KCNQ5: variants seen among roughly 807,000 people sequenced by gnomAD.
The protein encoded by KCNQ5 is potassium voltage-gated channel subfamily KQT member 5.
KCNQ5 carries 30 observed loss-of-function variants against 98.2 expected under a neutral mutation model. The ratio of observed to expected loss-of-function variants is 0.31; its 90% confidence interval spans 0.23 to 0.41. KCNQ5 has a LOEUF of 0.41. Among genes scored for constraint, KCNQ5 ranks in the 10% least tolerant of loss-of-function variants. The probability of loss-of-function intolerance (pLI) is 1.00; values close to 1 mark genes in which losing one functional copy is unlikely to be tolerated. For missense variants in KCNQ5, 835 were observed against 1,182.5 expected, an observed-to-expected ratio of 0.71 and a Z score of 4.31; for synonymous variants, 458 against 449.4, an observed-to-expected ratio of 1.02 and a Z score of -0.24.
intron 1 of KCNQ5, among the ~76,000 whole-genome samples, chr6:72,942,512 A>C (rs1766357005): frequency 6.6e-6 from 1 of 152,248 alleles, no homozygotes; most frequent in Non-Finnish European, 1.5e-5. Flanking sequence ...AGAGACTGAC[A>C]GATAAAAGAA....
At chr6:73,187,784 A>C (rs1193437600) in intron 11 of KCNQ5, among the ~76,000 whole-genome samples, 1 of 152,270 alleles carries the variant, frequency 6.6e-6, no homozygotes, top group Non-Finnish European at 1.5e-5. Flanking sequence ...TAAGGTTTGC[A>C]TAAACTATGA....
intron 1 of KCNQ5, among the ~76,000 whole-genome samples, chr6:72,941,832 C>T (rs1195153848): frequency 6.6e-6 from 1 of 151,848 alleles, no homozygotes; most frequent in African/African-American, 2.4e-5. Context: ...GGGAAACAAA[C>T]CAACATTGTT....
chr6:72,750,712 T>C (rs1164313050), intron 1 of KCNQ5, among the ~76,000 whole-genome samples: 2 of 152,104 alleles, frequency 1.3e-5, no homozygotes, highest in Non-Finnish European at 2.9e-5. Flanking sequence ...ATGCTTTGAA[T>C]AATTAAATAG....
intron 1 of KCNQ5, among the ~76,000 whole-genome samples, chr6:72,753,103 A>T (rs1034581475): frequency 6.6e-6 from 1 of 151,926 alleles, no homozygotes; most frequent in African/African-American, 2.4e-5. Context: ...AAATTTCTCC[A>T]TTTCTCTTCC....
At chr6:73,072,360 A>G (rs1277705415) in intron 3 of KCNQ5, among the ~76,000 whole-genome samples, 1 of 152,184 alleles carries the variant, frequency 6.6e-6, no homozygotes, top group East Asian at 1.9e-4. Flanking sequence ...GTGATTTTAC[A>G]TTGAGCCATG....
At chr6:72,665,573 C>G (rs911591279) in intron 1 of KCNQ5, among the ~76,000 whole-genome samples, 1 of 152,140 alleles carries the variant, frequency 6.6e-6, no homozygotes, top group African/African-American at 2.4e-5. Context: ...ACATAAGAAA[C>G]AACTTCCCAA....
At chr6:73,041,787 A>C in intron 2 of KCNQ5, 149 bp from the exon 3 acceptor site, 1 of 849,390 alleles carries the variant, frequency 1.2e-6, no homozygotes, top group Non-Finnish European at 1.9e-6. Flanking sequence ...ATTTAGTTTG[A>C]TCTGGAGAAA....
chr6:72,858,372 T>C, intron 1 of KCNQ5, among the ~76,000 whole-genome samples: 1 of 152,108 alleles, frequency 6.6e-6, no homozygotes, highest in South Asian at 2.1e-4. Context: ...CCTGTGTTTC[T>C]GTCACTTCAT....
At chr6:72,792,705 A>G (rs1315485309) in intron 1 of KCNQ5, among the ~76,000 whole-genome samples, 4 of 152,204 alleles carry the variant, frequency 2.6e-5, no homozygotes, top group African/African-American at 4.8e-5. Context: ...TACTTTGGCA[A>G]AGGAGCCTTA....
At chr6:73,020,654 C>T (rs1354715229) in intron 2 of KCNQ5, among the ~76,000 whole-genome samples, 2 of 152,148 alleles carry the variant, frequency 1.3e-5, no homozygotes, top group African/African-American at 4.8e-5. Flanking sequence ...CCCTCTAACC[C>T]TGTCTTGGTC....
intron 2 of KCNQ5, among the ~76,000 whole-genome samples, chr6:73,004,848 G>T (rs1769745668): frequency 6.6e-6 from 1 of 152,188 alleles, no homozygotes; most frequent in South Asian, 2.1e-4. Context: ...TACAGAAGCA[G>T]GGGGAGGAAA....
intron 1 of KCNQ5, among the ~76,000 whole-genome samples, chr6:72,890,550 A>G (rs1184098656): frequency 6.6e-6 from 1 of 152,146 alleles, no homozygotes; most frequent in African/African-American, 2.4e-5. Flanking sequence ...GGCTGCTGCT[A>G]TGGGAGGTTG....
At chr6:73,171,702 T>A (rs565693017) in intron 11 of KCNQ5, among the ~76,000 whole-genome samples, 9 of 152,314 alleles carry the variant, frequency 5.9e-5, no homozygotes, top group African/African-American at 1.9e-4. Flanking sequence ...TCACAGAAAA[T>A]TTTATTGAAC....
chr6:72,982,200 T>C (rs1176198953), intron 1 of KCNQ5, among the ~76,000 whole-genome samples: 7 of 152,214 alleles, frequency 4.6e-5, no homozygotes, highest in Non-Finnish European at 5.9e-5. Context: ...GTTCAAGTCT[T>C]GTATATTCTT....
chr6:72,905,660 C>T (rs905177468), intron 1 of KCNQ5, among the ~76,000 whole-genome samples: 3 of 152,138 alleles, frequency 2.0e-5, no homozygotes, highest in African/African-American at 7.2e-5. Flanking sequence ...TGGGTCTAGT[C>T]ACCTCACTCC....
intron 1 of KCNQ5, among the ~76,000 whole-genome samples, chr6:72,631,386 T>C (rs1447070033): frequency 2.0e-5 from 3 of 152,160 alleles, no homozygotes; most frequent in Middle Eastern, 3.4e-3. Context: ...TACCAACATT[T>C]AATTGATAAG....
chr6:72,849,118 A>T, intron 1 of KCNQ5, among the ~76,000 whole-genome samples: 1 of 64,268 alleles, frequency 1.6e-5, no homozygotes, highest in East Asian at 4.0e-4. Flanking sequence ...GTACACATAC[A>T]CACACACACA....
intron 1 of KCNQ5, among the ~76,000 whole-genome samples, chr6:72,996,976 G>A (rs374734442): frequency 3.9e-4 from 60 of 152,276 alleles, no homozygotes; most frequent in Middle Eastern, 3.4e-3. Context: ...AGGAGCACAC[G>A]TCTTCTGTGG....
At chr6:73,020,924 A>G (rs1214948599) in intron 2 of KCNQ5, among the ~76,000 whole-genome samples, 1 of 152,064 alleles carries the variant, frequency 6.6e-6, no homozygotes, top group Non-Finnish European at 1.5e-5. Flanking sequence ...ACACATGCAC[A>G]CACACACACA....
Sources: gnomAD v4.1 joint callset for allele counts (sites outside exome capture counted in the v4.1 genomes callset) on GRCh38, gnomAD v4.1.1 for gene constraint, MANE v1.5 for transcripts, NCBI Gene and HGNC (gene_info 2026-07-23, HGNC 2026-07-21) for gene names.